The following SH3D19 variants were observed in gnomAD, a reference collection of about 807,000 sequenced individuals.
SH3D19 encodes SH3 domain containing 19.
A neutral mutation model predicts 112.1 loss-of-function variants in SH3D19; 58 were observed. That is an observed-to-expected ratio of 0.52 (90% CI 0.42 to 0.64). The LOEUF (loss-of-function observed/expected upper bound fraction) is 0.64. Among genes scored for constraint, SH3D19 ranks in the 30% least tolerant of loss-of-function variants. The pLI is 0.00. For missense variants in SH3D19, 1,090 were observed against 1,263.4 expected (o/e 0.86, Z 2.08); for synonymous variants, 391 against 448.5 (o/e 0.87, Z 1.62).
At chr4:151,234,756 T>G (rs1769897805) in intron 1 of SH3D19, among the ~76,000 whole-genome samples, 1 of 134,324 alleles carries the variant, frequency 7.4e-6, no homozygotes, top group African/African-American at 2.9e-5. Flanking sequence ...TTTTTTTTTT[T>G]TTTTTTTTTT....
chr4:151,176,268 G>T (rs1434713280), intron 6 of SH3D19, among the ~76,000 whole-genome samples: 2 of 152,134 alleles, frequency 1.3e-5, no homozygotes, highest in Non-Finnish European at 2.9e-5. Context: ...GGAATCAATG[G>T]TAATACCCAC....
At chr4:151,204,343 A>G (rs1764806987) in intron 2 of SH3D19, among the ~76,000 whole-genome samples, 4 of 152,230 alleles carry the variant, frequency 2.6e-5, no homozygotes, top group African/African-American at 4.8e-5. Context: ...TTGGGTTGGT[A>G]TTTTACAAAG....
intron 1 of SH3D19, chr4:151,283,335 T>A (rs1375380314): frequency 1.3e-6 from 2 of 1,562,262 alleles, no homozygotes; most frequent in Admixed American, 3.4e-5. Context: ...GATCTTAATT[T>A]GGATCCAGGT....
intron 1 of SH3D19, among the ~76,000 whole-genome samples, chr4:151,286,184 G>GCAAAAAAA (rs1774746173): frequency 1.2e-5 from 1 of 86,628 alleles, no homozygotes; most frequent in Non-Finnish European, 2.0e-5. Context: ...CTGTCTTAAA[G>GCAAAAAAA]AAAAAAAAAA....
chr4:151,288,224 G>C (rs917307827), intron 1 of SH3D19, among the ~76,000 whole-genome samples: 2 of 152,142 alleles, frequency 1.3e-5, no homozygotes, highest in Admixed American at 1.3e-4. Context: ...AAGAGACAAG[G>C]ATGTCTATTC....
chr4:151,150,226 T>C (rs1246021240), intron 9 of SH3D19, among the ~76,000 whole-genome samples: 9 of 52,892 alleles, frequency 1.7e-4, no homozygotes, highest in African/African-American at 3.4e-4. Flanking sequence ...TATATATATA[T>C]ATACACACAC....
At chr4:151,174,442 AC>A (rs985999661) in intron 7 of SH3D19, among the ~76,000 whole-genome samples, 1 of 152,070 alleles carries the variant, frequency 6.6e-6, no homozygotes, top group Admixed American at 6.5e-5. Flanking sequence ...TGACTCCATT[AC>A]CCCCATCCCA....
At chr4:151,123,118 G>A (rs1237692227) in intron 19 of SH3D19, among the ~76,000 whole-genome samples, 1 of 152,092 alleles carries the variant, frequency 6.6e-6, no homozygotes, top group Non-Finnish European at 1.5e-5. Context: ...ACAAAGTGTT[G>A]GGGTTACAGG....
intron 1 of SH3D19, among the ~76,000 whole-genome samples, chr4:151,286,920 C>T (rs1379357109): frequency 2.0e-5 from 3 of 151,542 alleles, no homozygotes; most frequent in East Asian, 1.9e-4. Context: ...GTAGAGGTTA[C>T]AGTGAGCCGA....
intron 2 of SH3D19, among the ~76,000 whole-genome samples, chr4:151,188,294 C>A (rs1762097014): frequency 6.6e-6 from 1 of 152,144 alleles, no homozygotes; most frequent in Non-Finnish European, 1.5e-5. Flanking sequence ...TATAAAGATA[C>A]AACTGTTTAC....
At position 151,217,617 on chromosome 4, in the gene SH3D19, T is replaced by C. The variant is rs1327081233; in HGVS notation, c.152+8430A>G. ...GAAGCAAACAGACATGTACGGCACA[T>C]AAAATTTAAAAACTTAAAAGTAATT... On this transcript the variant is annotated intron_variant, in intron 2 of 19. Coordinates refer to ENST00000604030, the MANE Select transcript of SH3D19 (RefSeq NM_001378122.1). 4.6e-5 allele frequency among the ~76,000 whole-genome samples: 7 copies of C among 151,732 alleles called. 1 individual carries two copies. Among genetic ancestry groups the C allele is most frequent in the Admixed American group, 4.6e-4 (7 of 15,222 alleles).
At chr4:151,258,864 G>C (rs539320559) in intron 1 of SH3D19, among the ~76,000 whole-genome samples, 1 of 152,186 alleles carries the variant, frequency 6.6e-6, no homozygotes, top group South Asian at 2.1e-4. Flanking sequence ...AGGGAGTGCT[G>C]GCCCTCAGGA....
At chr4:151,320,225 A>C (rs1730402535) in intron 1 of SH3D19, among the ~76,000 whole-genome samples, 2 of 152,232 alleles carry the variant, frequency 1.3e-5, no homozygotes, top group African/African-American at 4.8e-5. Context: ...GAAAGAGTAA[A>C]TTTAGTTAGC....
At chr4:151,284,188 C>T (rs910131226) in intron 1 of SH3D19, among the ~76,000 whole-genome samples, 1 of 152,194 alleles carries the variant, frequency 6.6e-6, no homozygotes, top group East Asian at 1.9e-4. Context: ...TCTCTCTCCT[C>T]CCCTTCTAGA....
At chr4:151,301,321 A>C (rs183203182) in intron 1 of SH3D19, among the ~76,000 whole-genome samples, 40 of 152,330 alleles carry the variant, frequency 2.6e-4, no homozygotes, top group Middle Eastern at 3.4e-3. Flanking sequence ...TCCACCTCCC[A>C]GGTTCAAGCA....
Position 151,176,912 on chromosome 4 carries a change from C to G in SH3D19, c.280G>C (p.Ala94Pro). ...TIVAAEPLRP[A>P]SWFPGTPPPG... ...GGTGGGGTTCCTGGAAACCACGAGG[C>G]TGGCCTCAGTGGCTCAGCTGCCACA... The change falls in exon 5 of 20, where the codon GCC (alanine) becomes CCC (proline). Residue 94 changes from alanine to proline, a missense_variant. Coordinates refer to ENST00000604030, the MANE Select transcript of SH3D19 (RefSeq NM_001378122.1). 8.1e-7 allele frequency: 1 copy of G among 1,232,226 alleles called. No homozygotes were observed. The highest frequency in any genetic ancestry group is 1.0e-6 in the Non-Finnish European group (1 of 987,996). 76.3% of individuals were successfully genotyped at this position (1,232,226 alleles called of 1,614,324 possible). A position where few individuals can be genotyped will look rare whatever the true frequency, so the allele number is the denominator to read the frequency against.
At chr4:151,133,965 G>C (rs1751290317) in intron 15 of SH3D19, among the ~76,000 whole-genome samples, 1 of 152,162 alleles carries the variant, frequency 6.6e-6, no homozygotes, top group South Asian at 2.1e-4. Context: ...TGAGGGTTTA[G>C]AAAGGAAGTT....
chr4:151,188,969 G>C (rs1762214650), intron 2 of SH3D19, among the ~76,000 whole-genome samples: 1 of 152,030 alleles, frequency 6.6e-6, no homozygotes, highest in African/African-American at 2.4e-5. Context: ...GTACACCAAA[G>C]ACTGCTGGTC....
chr4:151,188,918 C>T (rs1762203534), intron 2 of SH3D19, among the ~76,000 whole-genome samples: 1 of 152,066 alleles, frequency 6.6e-6, no homozygotes, highest in Admixed American at 6.6e-5. Context: ...TCCAACATAA[C>T]TGGTTTCTTA....
Sources: gnomAD v4.1 joint callset for allele counts (sites outside exome capture counted in the v4.1 genomes callset) on GRCh38, gnomAD v4.1.1 for gene constraint, MANE v1.5 for transcripts, NCBI Gene and HGNC (gene_info 2026-07-23, HGNC 2026-07-21) for gene names.